The following NAV3 variants were observed in gnomAD, a reference collection of about 807,000 sequenced individuals.
The protein encoded by NAV3 is pore membrane and/or filament interacting like protein 1.
In NAV3, 87 loss-of-function variants were observed where a neutral mutation model predicts 244.7. The observed-to-expected ratio is 0.36, with a 90% confidence interval of 0.30 to 0.42. The LOEUF is 0.42. Ranked by LOEUF, NAV3 falls within the 20% of genes least tolerant of loss-of-function variation. NAV3 has a pLI of 1.00. For synonymous variants in NAV3, 1,126 were observed against 1,042.2 expected, an observed-to-expected ratio of 1.08 and a Z score of -1.55; for missense variants, 2,663 against 2,893.3, an observed-to-expected ratio of 0.92 and a Z score of 1.83.
chr12:77,756,147 A>T (rs1314324950), intron 2 of NAV3, among the ~76,000 whole-genome samples: 1 of 152,190 alleles, frequency 6.6e-6, no homozygotes, highest in Admixed American at 6.5e-5. Context: ...ATATGATATA[A>T]TATATACAAA....
At position 78,049,912 on chromosome 12, in the gene NAV3, G is replaced by A. The variant is rs187557766; in HGVS notation, c.2024-81G>A. 4.2e-4 allele frequency: 346 copies of A among 818,604 alleles called. 1 individual carries two copies. The African/African-American group carries it at 5.9e-3, about 14-fold the overall frequency. The allele number at this position is 818,604 out of a possible 1,614,324, so 50.7% of individuals were successfully genotyped here. ...CATATCCTTTTACTTTTAAGAAGAG[G>A]TGACTTAATTATCTAGGTATACAAT... On this transcript the variant is annotated intron_variant, in intron 9 of 39. Coordinates refer to ENST00000397909, the MANE Select transcript of NAV3 (RefSeq NM_001024383.2).
chr12:77,935,987 T>C (rs994438513), intron 1 of NAV3, among the ~76,000 whole-genome samples: 4 of 152,190 alleles, frequency 2.6e-5, no homozygotes, highest in African/African-American at 9.6e-5. Flanking sequence ...GGAATTACAA[T>C]TCAACATGAG....
intron 2 of NAV3, among the ~76,000 whole-genome samples, chr12:77,599,037 A>C (rs1203630023): frequency 6.6e-6 from 1 of 151,830 alleles, no homozygotes; most frequent in Non-Finnish European, 1.5e-5. Context: ...CACCTACCCT[A>C]CTAAGCCCCT....
chr12:77,796,894 T>C (rs558241275), intron 2 of NAV3, among the ~76,000 whole-genome samples: 1 of 152,266 alleles, frequency 6.6e-6, no homozygotes, highest in South Asian at 2.1e-4. Flanking sequence ...GACTACAGTG[T>C]AAAAATGACT....
At chr12:78,170,126 C>A (rs1378257660) in intron 24 of NAV3, among the ~76,000 whole-genome samples, 1 of 151,612 alleles carries the variant, frequency 6.6e-6, no homozygotes, top group Non-Finnish European at 1.5e-5. Flanking sequence ...CTCTGTATAT[C>A]CAGCTACCAA....
chr12:77,974,908 G>T (rs1868276797), intron 5 of NAV3, among the ~76,000 whole-genome samples: 1 of 152,106 alleles, frequency 6.6e-6, no homozygotes. Context: ...TCTTTCACTT[G>T]AAGATCATAT....
At position 77,982,310 on chromosome 12, in the gene NAV3, C is replaced by T. The variant is rs185048886; in HGVS notation, c.672-12493C>T. Reference sequence around the variant, plus strand: ...GGTGATTTGAAAGTTCATATGTGACCTTTCCACAAATAAATTGGCCCTCAC... The same window carrying T: ...GGTGATTTGAAAGTTCATATGTGACTTTTCCACAAATAAATTGGCCCTCAC... On this transcript the variant is annotated intron_variant, in intron 5 of 39. Coordinates refer to ENST00000397909, the MANE Select transcript of NAV3 (RefSeq NM_001024383.2). 3.5e-3 allele frequency among the ~76,000 whole-genome samples: 222 copies of T among 63,218 alleles called. 42 individuals are homozygous for T. Among genetic ancestry groups the T allele is most frequent in the African/African-American group, 8.4e-3 (214 of 25,506 alleles). 41.5% of individuals were successfully genotyped at this position (63,218 alleles called of 152,430 possible). A position where few individuals can be genotyped will look rare whatever the true frequency, so the allele number is the denominator to read the frequency against.
rs145894513 is a variant in NAV3 at position 77,780,098 on chromosome 12, C to T, written c.73-160221C>T. On this transcript the variant is annotated intron_variant, in intron 2 of 8. Coordinates refer to the NAV3 transcript ENST00000550042. ...TACTTAGTGAATTTCTAGATTTCAGCCATATAGGGTTTGTCAGACAAAGTT... is the reference window on the plus strand; with the variant it reads ...TACTTAGTGAATTTCTAGATTTCAGTCATATAGGGTTTGTCAGACAAAGTT... Among the ~76,000 whole-genome samples the T allele has an allele frequency of 7.6e-4, 116 of 152,122 alleles. 1 individual carries two copies. Among genetic ancestry groups the T allele is most frequent in the African/African-American group, 2.7e-3 (113 of 41,496 alleles).
At chr12:77,576,192 A>C (rs1869072663) in intron 2 of NAV3, among the ~76,000 whole-genome samples, 1 of 152,084 alleles carries the variant, frequency 6.6e-6, no homozygotes, top group Admixed American at 6.6e-5. Context: ...TGAGATGTGA[A>C]GAGTTATGTA....
At chr12:77,885,572 G>T (rs907466727) in intron 1 of NAV3, among the ~76,000 whole-genome samples, 1 of 152,008 alleles carries the variant, frequency 6.6e-6, no homozygotes, top group African/African-American at 2.4e-5. Flanking sequence ...GAGTATTTTT[G>T]TGAATCAAAA....
At chr12:77,731,133 T>G (rs577354635) in intron 2 of NAV3, among the ~76,000 whole-genome samples, 10 of 151,990 alleles carry the variant, frequency 6.6e-5, no homozygotes, top group Middle Eastern at 3.4e-3. Flanking sequence ...GATTCAGAAA[T>G]TGGAGGATTC....
At chr12:78,103,034 A>T (rs1392946376) in intron 12 of NAV3, among the ~76,000 whole-genome samples, 1 of 152,158 alleles carries the variant, frequency 6.6e-6, no homozygotes, top group African/African-American at 2.4e-5. Context: ...CTTGTTACTT[A>T]TGCAGATTTC....
rs1383674511 is a variant in NAV3, at chr12:78,037,506, A to G, written c.2024-12487A>G. 3.0e-5 allele frequency: 18 copies of G among 593,422 alleles called. No individual in the cohort carries two copies. The South Asian group carries it at 3.3e-4, about 11-fold the overall frequency. The allele number at this position is 593,422 out of a possible 1,614,324, so 36.8% of individuals were successfully genotyped here. On this transcript the variant is annotated intron_variant, in intron 9 of 39. Coordinates refer to ENST00000397909, the MANE Select transcript of NAV3 (RefSeq NM_001024383.2). ...TTTTTAGACTGATTTTTAAAAATAC[A>G]TAGTTACATTTTAAATTCCTGTTTC... is the stretch of plus-strand genomic sequence containing the variant.
intron 1 of NAV3, among the ~76,000 whole-genome samples, chr12:77,863,200 T>C (rs7297547): frequency 0.2 from 30,872 of 151,774 alleles, 4,379 homozygotes; most frequent in African/African-American, 0.4. Context: ...AAATGCAAAG[T>C]GTAAACAAAC....
intron 9 of NAV3, among the ~76,000 whole-genome samples, chr12:78,031,277 G>A (rs928480508): frequency 4.6e-5 from 7 of 152,144 alleles, no homozygotes; most frequent in African/African-American, 1.4e-4. Context: ...TGGAAGTACT[G>A]GTGTCGTTTT....
intron 3 of NAV3, among the ~76,000 whole-genome samples, chr12:77,956,837 G>C (rs1271340600): frequency 6.6e-6 from 1 of 152,060 alleles, no homozygotes; most frequent in African/African-American, 2.4e-5. Context: ...CTCCTCCCGG[G>C]TTCAAGCCGA....
At chr12:77,922,581 A>T (rs1453425091) in intron 1 of NAV3, among the ~76,000 whole-genome samples, 4 of 152,092 alleles carry the variant, frequency 2.6e-5, no homozygotes. Context: ...CTTTCAGACC[A>T]CTGTTCCAGC....
chr12:77,819,237 A>C (rs1872637137), intron 2 of NAV3, among the ~76,000 whole-genome samples: 1 of 151,980 alleles, frequency 6.6e-6, no homozygotes, highest in Admixed American at 6.6e-5. Flanking sequence ...GAACTTTATA[A>C]GATTTTTCAC....
chr12:77,763,851 C>G (rs1208737803), intron 2 of NAV3, among the ~76,000 whole-genome samples: 2 of 152,114 alleles, frequency 1.3e-5, no homozygotes, highest in Non-Finnish European at 2.9e-5. Flanking sequence ...CCACACAGTT[C>G]CAGTCTGAAT....
Sources: gnomAD v4.1 joint callset for allele counts (sites outside exome capture counted in the v4.1 genomes callset) on GRCh38, gnomAD v4.1.1 for gene constraint, MANE v1.5 for transcripts, NCBI Gene and HGNC (gene_info 2026-07-23, HGNC 2026-07-21) for gene names.